The following SAP25 variants were observed in gnomAD, a reference collection of about 807,000 sequenced individuals.
SAP25 encodes Sin3A associated protein 25.
In SAP25, 24 loss-of-function variants were observed where a neutral mutation model predicts 31.5. The observed-to-expected ratio is 0.76, with a 90% CI of 0.55 to 1.07. SAP25 has a LOEUF of 1.07. Among genes scored for constraint, SAP25 ranks in the 50% least tolerant of loss-of-function variants. SAP25 has a pLI of 0.00. For missense variants in SAP25, 377 were observed against 418.8 expected (o/e 0.90, Z 0.87); for synonymous variants, 180 against 186.0 (o/e 0.97, Z 0.26).
Position 100,573,099 on chromosome 7 carries a change from A to C in SAP25, c.357+7T>G. 1 of 1,534,344 alleles carries C rather than the reference A, an allele frequency of 6.5e-7. No individual in the cohort carries two copies. Among genetic ancestry groups the C allele is most frequent in the African/African-American group, 1.4e-5 (1 of 72,970 alleles). On this transcript the variant is annotated splice_region_variant and intron_variant, in intron 3 of 5. Transcript: ENST00000622764. The stretch of plus-strand genomic sequence containing the variant: ...CAGCCAGTCCCACAGGTTTGCCCCC[A>C]ACTCACCCACACCGGCCGAGGTCCT...
At position 100,572,567 on chromosome 7, in the gene SAP25, A is replaced by G; in HGVS notation, c.614T>C (p.Met205Thr). Residue 205 changes from methionine (M) to threonine (T), a missense_variant, in exon 6 of 6, where the codon ATG (methionine) becomes ACG (threonine). Met to Thr is a moderately conservative substitution (Grantham distance 81). Coordinates refer to ENST00000622764, the MANE Select transcript of SAP25 (RefSeq NM_001348680.2). This position sits in a 1 kb window ranked among gnomAD's most constrained non-coding sequence, Gnocchi z 4.1. Reference protein sequence around the residue: ...LYLSKAPQQMMGSLKLLPPPP... With the variant: ...LYLSKAPQQMTGSLKLLPPPP... ...CGGCGGCAGCAGTTTCAGGGAGCCC[A>G]TCATCTGAGGAGAGAGAATGGAATG... is the stretch of plus-strand genomic sequence containing the variant. 6.9e-7 allele frequency: 1 copy of G among 1,452,660 alleles called. No individual in the cohort carries two copies. The highest frequency in any genetic ancestry group is 2.7e-5 in the Admixed American group (1 of 37,324). 90.0% of individuals were successfully genotyped at this position (1,452,660 alleles called of 1,614,324 possible). A position where few individuals can be genotyped will look rare whatever the true frequency, so the allele number is the denominator to read the frequency against.
rs1178606790 is a variant in SAP25 at position 100,573,864 on chromosome 7, C to T, written c.-122G>A. 1 of 849,398 alleles carries T rather than the reference C, an allele frequency of 1.2e-6. No individual in the cohort carries two copies. Among genetic ancestry groups the T allele is most frequent in the East Asian group, 5.7e-5 (1 of 17,670 alleles). The allele number at this position is 849,398 out of a possible 1,614,324, so 52.6% of individuals were successfully genotyped here. On this transcript the variant is annotated 5_prime_UTR_variant, in exon 1 of 6. Coordinates refer to ENST00000622764, the MANE Select transcript of SAP25 (RefSeq NM_001348680.2). ...TGGCGAACCCACCCCAGAGGCCTCG[C>T]GGCGACGCTGGCGCCCTGTGCGTCT...
In SAP25 at chr7:100,573,112, C is replaced by G. The variant is rs545972782; in HGVS notation, c.351G>C (p.Pro117=). Residue 117 remains proline (P), a synonymous_variant, in exon 3 of 6, where the codon CCG becomes CCC. Transcript: ENST00000622764. Reference sequence around the variant, plus strand: ...AGGTTTGCCCCCAACTCACCCACACCGGCCGAGGTCCTGCTTTGGCTTCAT... The same window carrying G: ...AGGTTTGCCCCCAACTCACCCACACGGGCCGAGGTCCTGCTTTGGCTTCAT... ...PKYEAKAGPR[P]VWGANCSSGA... is the part of the protein sequence containing the mutation. 2.7e-5 allele frequency: 42 copies of G among 1,535,646 alleles called. No homozygotes were observed. In the African/African-American group the frequency reaches 5.2e-4, roughly 19 times the overall value.
In SAP25 at chr7:100,573,094, C is replaced by A. The variant is rs758426092; in HGVS notation, c.357+12G>T. 4 of 1,532,992 alleles carry A rather than the reference C, an allele frequency of 2.6e-6. No homozygotes were observed. The highest frequency in any genetic ancestry group is 1.2e-5 in the South Asian group (1 of 83,562). 95.0% of individuals were successfully genotyped at this position (1,532,992 alleles called of 1,614,324 possible). ...CACCCCAGCCAGTCCCACAGGTTTGCCCCCAACTCACCCACACCGGCCGAG... is the reference window on the plus strand; with the variant it reads ...CACCCCAGCCAGTCCCACAGGTTTGACCCCAACTCACCCACACCGGCCGAG... On this transcript the variant is annotated intron_variant, in intron 3 of 5. Coordinates refer to ENST00000622764, the MANE Select transcript of SAP25 (RefSeq NM_001348680.2).
At chr7:100,573,468 G>C (rs1304630375) in intron 1 of SAP25, 68 bp from the exon 2 acceptor site, 1 of 1,235,394 alleles carries the variant, frequency 8.1e-7, no homozygotes, top group African/African-American at 1.5e-5. Context: ...GCCCAAGGGT[G>C]CCTGGTGCAA....
chr7:100,573,797 CCT>C lies in SAP25; in HGVS notation c.-57_-56del. ...CCGTGTCCCCGCCGCCCGGCCCGGC[CCT>C]CTCAGCCTCCCTCCGCGGCGCGGCG... On this transcript the variant is annotated 5_prime_UTR_variant, in exon 1 of 6. Coordinates refer to ENST00000622764, the MANE Select transcript of SAP25 (RefSeq NM_001348680.2). 2 of 1,169,262 alleles carry C rather than the reference CCT, an allele frequency of 1.7e-6. No individual in the cohort carries two copies. The highest frequency in any genetic ancestry group is 1.1e-6 in the Non-Finnish European group (1 of 947,660). The allele number at this position is 1,169,262 out of a possible 1,614,324, so 72.4% of individuals were successfully genotyped here.
Position 100,572,935 on chromosome 7 carries a change from C to G in SAP25, c.436G>C (p.Ala146Pro). The G allele has an allele frequency of 6.7e-7, 1 of 1,500,874 alleles. No homozygotes were observed. The highest frequency in any genetic ancestry group is 8.9e-7 in the Non-Finnish European group (1 of 1,128,488). 93.0% of individuals were successfully genotyped at this position (1,500,874 alleles called of 1,614,324 possible). ...ACGGGCCTGAGACCCCTGCCCGAGG[C>G]TGCTTCATACAGCGGCCAGAATGAG... ...HPSFWPLYEA[A>P]SGRGLRPVAP... Residue 146 changes from alanine to proline, a missense_variant, in exon 4 of 6, where the codon GCC becomes CCC. Ala to Pro is a conservative substitution (Grantham distance 27, BLOSUM62 -1). Transcript: ENST00000622764. The surrounding 1 kb of genome is among the most constrained non-coding windows in gnomAD (Gnocchi z 4.1).
rs1801229062 is a variant in SAP25 at position 100,573,692 on chromosome 7, G to A, written c.51C>T (p.Pro17=). 1 of 1,229,784 alleles carries A rather than the reference G, an allele frequency of 8.1e-7. No homozygotes were observed. The highest frequency in any genetic ancestry group is 1.0e-6 in the Non-Finnish European group (1 of 986,694). The allele number at this position is 1,229,784 out of a possible 1,614,324, so 76.2% of individuals were successfully genotyped here. A position where few individuals can be genotyped will look rare whatever the true frequency, so the allele number is the denominator to read the frequency against. The stretch of plus-strand genomic sequence containing the variant: ...TGCCCGCCGGAAGGCCTGGTCCCTC[G>A]GGCGCCTCCTCCGGGCCCGCGCCCC... ...PRWGAGPEEA[P]EGPGLPAGKD... is the part of the protein sequence containing the mutation. Residue 17 remains proline (P), a synonymous_variant, in exon 1 of 6, where the codon CCC becomes CCT. Coordinates refer to ENST00000622764, the MANE Select transcript of SAP25 (RefSeq NM_001348680.2).
chr7:100,573,815 C>A lies in SAP25; in HGVS notation c.-73G>T. ...GCCCGGCCCTCTCAGCCTCCCTCCG[C>A]GGCGCGGCGCGAACGTGCCCTCCTG... On this transcript the variant is annotated 5_prime_UTR_variant, in exon 1 of 6. Transcript: ENST00000622764. The A allele has an allele frequency of 1.8e-6, 2 of 1,135,692 alleles. 1 individual carries two copies. The highest frequency in any genetic ancestry group is 8.8e-5 in the East Asian group (2 of 22,832). The allele number at this position is 1,135,692 out of a possible 1,614,324, so 70.4% of individuals were successfully genotyped here.
chr7:100,573,268 G>T, intron 2 of SAP25, 29 bp downstream of exon 2: 16 of 1,425,576 alleles, frequency 1.1e-5, no homozygotes, highest in Non-Finnish European at 1.5e-5. Context: ...GGCTCTTAGG[G>T]GTAGTAGAGG....
At position 100,573,809 on chromosome 7, in the gene SAP25, C is replaced by A; in HGVS notation, c.-67G>T. On this transcript the variant is annotated 5_prime_UTR_variant, in exon 1 of 6. Transcript: ENST00000622764. Reference sequence around the variant, plus strand: ...CGCCCGGCCCGGCCCTCTCAGCCTCCCTCCGCGGCGCGGCGCGAACGTGCC... The same window carrying A: ...CGCCCGGCCCGGCCCTCTCAGCCTCACTCCGCGGCGCGGCGCGAACGTGCC... 8.7e-7 allele frequency: 1 copy of A among 1,151,300 alleles called. No individual in the cohort carries two copies. The highest frequency in any genetic ancestry group is 1.1e-6 in the Non-Finnish European group (1 of 934,718). The allele number at this position is 1,151,300 out of a possible 1,614,324, so 71.3% of individuals were successfully genotyped here.
rs1562801133 is a variant in SAP25 at position 100,572,770 on chromosome 7, AG to A, written c.512-20del. On this transcript the variant is annotated intron_variant, in intron 4 of 5. Coordinates refer to ENST00000622764, the MANE Select transcript of SAP25 (RefSeq NM_001348680.2). This position sits in a 1 kb window ranked among gnomAD's most constrained non-coding sequence, Gnocchi z 4.1. ...GGGAACCCTAGGAGGAAACACCACT[AG>A]GGTGGCGGGCTGCGGGCTCCCACCC... The A allele has an allele frequency of 1.1e-5, 17 of 1,523,352 alleles. No individual in the cohort carries two copies. The East Asian group carries it at 4.2e-4, about 37-fold the overall frequency. The allele number at this position is 1,523,352 out of a possible 1,614,324, so 94.4% of individuals were successfully genotyped here. A position where few individuals can be genotyped will look rare whatever the true frequency, so the allele number is the denominator to read the frequency against.
chr7:100,572,387 G>A lies in SAP25; in HGVS notation c.794C>T (p.Pro265Leu), dbSNP rs546012665. ...PRPSSSAVGP[P>L]DHTSDPPSPC... ...GCTGGGTGGGTCAGAGGTATGGTCTGGGGGGCCAACCGCGGAGGAGCTGGG... is the reference window on the plus strand; with the variant it reads ...GCTGGGTGGGTCAGAGGTATGGTCTAGGGGGCCAACCGCGGAGGAGCTGGG... The change falls in exon 6 of 6, where the codon CCA (proline) becomes CTA (leucine). Residue 265 changes from proline to leucine, a missense_variant. Pro to Leu is a moderately conservative substitution (Grantham distance 98, BLOSUM62 -3). Transcript: ENST00000622764. This position sits in a 1 kb window ranked among gnomAD's most constrained non-coding sequence, Gnocchi z 4.1. 4.3e-6 allele frequency: 6 copies of A among 1,409,354 alleles called. No homozygotes were observed. The African/African-American group carries it at 4.4e-5, about 10-fold the overall frequency. 87.3% of individuals were successfully genotyped at this position (1,409,354 alleles called of 1,614,324 possible). A position where few individuals can be genotyped will look rare whatever the true frequency, so the allele number is the denominator to read the frequency against.
chr7:100,573,223 G>A lies in SAP25; in HGVS notation c.251-11C>T, dbSNP rs374270717. 1,720 of 1,469,834 alleles carry A rather than the reference G, an allele frequency of 1.2e-3. 26 individuals are homozygous for A. In the South Asian group the frequency reaches 0.02, roughly 17 times the overall value. 91.0% of individuals were successfully genotyped at this position (1,469,834 alleles called of 1,614,324 possible). A position where few individuals can be genotyped will look rare whatever the true frequency, so the allele number is the denominator to read the frequency against. On this transcript the variant is annotated splice_polypyrimidine_tract_variant and intron_variant, in intron 2 of 5. Transcript: ENST00000622764. Reference sequence around the variant, plus strand: ...GGGGGGAACGGGGATCTGGGGGGACGCTTGGGGATTATAACAGGCTCACAG... The same window carrying A: ...GGGGGGAACGGGGATCTGGGGGGACACTTGGGGATTATAACAGGCTCACAG...
Position 100,572,763 on chromosome 7 carries a change from C to T in SAP25, c.512-12G>A. 5 of 1,529,352 alleles carry T rather than the reference C, an allele frequency of 3.3e-6. No individual in the cohort carries two copies. The highest frequency in any genetic ancestry group is 4.4e-6 in the Non-Finnish European group (5 of 1,143,622). 94.7% of individuals were successfully genotyped at this position (1,529,352 alleles called of 1,614,324 possible). ...CACCACCGGGAACCCTAGGAGGAAA[C>T]ACCACTAGGGTGGCGGGCTGCGGGC... On this transcript the variant is annotated splice_polypyrimidine_tract_variant and intron_variant, in intron 4 of 5. Transcript: ENST00000622764. The surrounding 1 kb of genome is among the most constrained non-coding windows in gnomAD (Gnocchi z 4.1).
rs976159387 is a variant in SAP25, at chr7:100,572,923, C to A, written c.448G>T (p.Gly150Cys). 3 of 1,489,674 alleles carry A rather than the reference C, an allele frequency of 2.0e-6. No homozygotes were observed. Among genetic ancestry groups the A allele is most frequent in the African/African-American group, 2.8e-5 (2 of 71,214 alleles). 92.3% of individuals were successfully genotyped at this position (1,489,674 alleles called of 1,614,324 possible). A position where few individuals can be genotyped will look rare whatever the true frequency, so the allele number is the denominator to read the frequency against. The change falls in exon 4 of 6, where the codon GGT (glycine) becomes TGT (cysteine). Residue 150 changes from glycine to cysteine, a missense_variant. Coordinates refer to ENST00000622764, the MANE Select transcript of SAP25 (RefSeq NM_001348680.2). This position sits in a 1 kb window ranked among gnomAD's most constrained non-coding sequence, Gnocchi z 4.1. ...WPLYEAASGRGLRPVAPATGH... is the reference protein window; with the variant it reads ...WPLYEAASGRCLRPVAPATGH... ...GTGGCAGGGGCCACGGGCCTGAGAC[C>A]CCTGCCCGAGGCTGCTTCATACAGC... is the stretch of plus-strand genomic sequence containing the variant.
chr7:100,572,978 G>C lies in SAP25; in HGVS notation c.393C>G (p.Gly131=), dbSNP rs771815094. 75 of 1,505,594 alleles carry C rather than the reference G, an allele frequency of 5.0e-5. No homozygotes were observed. The Admixed American group carries it at 8.4e-4, about 17-fold the overall frequency. 93.3% of individuals were successfully genotyped at this position (1,505,594 alleles called of 1,614,324 possible). Residue 131 remains glycine (G), a synonymous_variant, in exon 4 of 6, where the codon GGC becomes GGG. Transcript: ENST00000622764. The surrounding 1 kb of genome is among the most constrained non-coding windows in gnomAD (Gnocchi z 4.1). ...AGAATGAGGGGTGACACAGCGTCCGGCCTGAGAACGAGGCTCCTGAGCTAC... is the reference window on the plus strand; with the variant it reads ...AGAATGAGGGGTGACACAGCGTCCGCCCTGAGAACGAGGCTCCTGAGCTAC... The part of the protein sequence containing the change: ...ANCSSGASFS[G]RTLCHPSFWP...
At position 100,573,285 on chromosome 7, in the gene SAP25, G is replaced by T; in HGVS notation, c.250+12C>A. On this transcript the variant is annotated intron_variant, in intron 2 of 5. Transcript: ENST00000622764. ...CTCTTAGGGGTAGTAGAGGCAGCAG[G>T]GCCTGTCCTACCTGGGGCTCCGGGG... is the stretch of plus-strand genomic sequence containing the variant. The T allele has an allele frequency of 7.1e-7, 1 of 1,411,804 alleles. No individual in the cohort carries two copies. The highest frequency in any genetic ancestry group is 9.3e-7 in the Non-Finnish European group (1 of 1,080,674). The allele number at this position is 1,411,804 out of a possible 1,614,324, so 87.5% of individuals were successfully genotyped here.
chr7:100,572,611 C>G lies in SAP25; in HGVS notation c.610-40G>C. 1 of 1,502,506 alleles carries G rather than the reference C, an allele frequency of 6.7e-7. No homozygotes were observed. The highest frequency in any genetic ancestry group is 2.5e-5 in the East Asian group (1 of 40,306). 93.1% of individuals were successfully genotyped at this position (1,502,506 alleles called of 1,614,324 possible). A position where few individuals can be genotyped will look rare whatever the true frequency, so the allele number is the denominator to read the frequency against. On this transcript the variant is annotated intron_variant, in intron 5 of 5. Coordinates refer to ENST00000622764, the MANE Select transcript of SAP25 (RefSeq NM_001348680.2). This position sits in a 1 kb window ranked among gnomAD's most constrained non-coding sequence, Gnocchi z 4.1. ...TGGAATGTGTTTCCTGCCAGGCAAGCCTGGAGGCTGGGGTAAGGACAGGGA... is the reference window on the plus strand; with the variant it reads ...TGGAATGTGTTTCCTGCCAGGCAAGGCTGGAGGCTGGGGTAAGGACAGGGA...
Sources: gnomAD v4.1 joint callset for allele counts on GRCh38, gnomAD v4.1.1 for gene constraint, Gnocchi (gnomAD v3.1) non-coding constraint, MANE v1.5 for transcripts, NCBI Gene and HGNC (gene_info 2026-07-23, HGNC 2026-07-21) for gene names.